The following GRM8 variants were observed in gnomAD, a reference collection of about 807,000 sequenced individuals.
GRM8 encodes glutamate metabotropic receptor 8, also known as metabotropic glutamate receptor 8.
GRM8 carries 47 observed loss-of-function variants against 87.2 expected under a neutral mutation model. The ratio of observed to expected loss-of-function variants is 0.54; its 90% CI spans 0.43 to 0.69. GRM8 has a LOEUF of 0.69. GRM8 is among the 30% of genes least tolerant of loss of function. The probability of loss-of-function intolerance (pLI) is 0.00; values close to 1 mark genes in which losing one functional copy is unlikely to be tolerated. For missense variants in GRM8, 1,019 were observed against 1,139.2 expected, an observed-to-expected ratio of 0.89 and a Z score of 1.52; for synonymous variants, 396 against 404.5, an observed-to-expected ratio of 0.98 and a Z score of 0.25.
intron 7 of GRM8, among the ~76,000 whole-genome samples, chr7:126,742,062 G>C (rs976943928): frequency 6.6e-6 from 1 of 151,942 alleles, no homozygotes; most frequent in Non-Finnish European, 1.5e-5. Flanking sequence ...CACAGGAAAA[G>C]TTGGTCTTCA....
chr7:126,481,250 A>G (rs529187776), intron 9 of GRM8, among the ~76,000 whole-genome samples: 8 of 152,208 alleles, frequency 5.3e-5, no homozygotes, highest in Non-Finnish European at 7.4e-5. Context: ...AGAACATCAC[A>G]GTAATAATTG....
intron 9 of GRM8, among the ~76,000 whole-genome samples, chr7:126,462,810 TTC>T (rs1227603718): frequency 6.6e-6 from 1 of 151,658 alleles, no homozygotes; most frequent in Admixed American, 6.6e-5. Context: ...GTCCTATACT[TTC>T]TTTTTCCTTT....
At chr7:127,245,735 T>C (rs1351059785) in intron 1 of GRM8, among the ~76,000 whole-genome samples, 2 of 152,248 alleles carry the variant, frequency 1.3e-5, no homozygotes, top group Admixed American at 6.5e-5. Context: ...AATGGAAAAC[T>C]AGAGGTTCAG....
intron 2 of GRM8, among the ~76,000 whole-genome samples, chr7:127,224,714 T>C (rs545032109): frequency 6.6e-6 from 1 of 152,350 alleles, no homozygotes; most frequent in Non-Finnish European, 1.5e-5. Flanking sequence ...TCTAATGCAG[T>C]TCTCAAGGTA....
At chr7:126,898,767 AT>A (rs199757102) in intron 6 of GRM8, among the ~76,000 whole-genome samples, 4 of 152,112 alleles carry the variant, frequency 2.6e-5, no homozygotes, top group Non-Finnish European at 5.9e-5. Context: ...AGAAAATATG[AT>A]TTTTTTATTG....
At chr7:126,759,274 A>C (rs1817342171) in intron 7 of GRM8, among the ~76,000 whole-genome samples, 1 of 152,186 alleles carries the variant, frequency 6.6e-6, no homozygotes, top group Non-Finnish European at 1.5e-5. Flanking sequence ...AAAGAGAAAA[A>C]ATAATCAAGT....
At chr7:126,748,087 T>C (rs1041469290) in intron 7 of GRM8, among the ~76,000 whole-genome samples, 1 of 152,014 alleles carries the variant, frequency 6.6e-6, no homozygotes, top group African/African-American at 2.4e-5. Context: ...CTGTCTATGA[T>C]AAGAAAAAAG....
chr7:126,459,742 T>A (rs1391554765), intron 9 of GRM8, among the ~76,000 whole-genome samples: 1 of 151,422 alleles, frequency 6.6e-6, no homozygotes, highest in East Asian at 2.0e-4. Flanking sequence ...GGATATTTGC[T>A]AAGATTGGCC....
chr7:126,828,580 G>A (rs1375436248), intron 6 of GRM8, among the ~76,000 whole-genome samples: 1 of 152,002 alleles, frequency 6.6e-6, no homozygotes, highest in African/African-American at 2.4e-5. Flanking sequence ...ATTTTTTATT[G>A]CATCTATTTG....
chr7:127,201,253 T>G (rs1795573324), intron 2 of GRM8, among the ~76,000 whole-genome samples: 1 of 152,212 alleles, frequency 6.6e-6, no homozygotes, highest in Non-Finnish European at 1.5e-5. Context: ...TTGTCTTATT[T>G]GATCTATATA....
rs545525056 is a variant in GRM8 at position 126,949,096 on chromosome 7, G to T, written c.728-44413C>A. Among the ~76,000 whole-genome samples the T allele has an allele frequency of 1.5e-3, 223 of 152,322 alleles. 1 individual carries two copies. The highest frequency in any genetic ancestry group is 5.1e-3 in the African/African-American group (211 of 41,564). On this transcript the variant is annotated intron_variant, in intron 3 of 10. Transcript: ENST00000339582. ...ACCTTGTATCCTGGATTTATTGAAA[G>T]AAATTATGCAATTAATTATATTTCA...
intron 2 of GRM8, among the ~76,000 whole-genome samples, chr7:127,147,987 C>G (rs1395979300): frequency 6.6e-6 from 1 of 152,038 alleles, no homozygotes. Flanking sequence ...TGCCATTGAA[C>G]CAGCATCATC....
chr7:126,929,758 A>C (rs1408003013), intron 3 of GRM8, among the ~76,000 whole-genome samples: 1 of 55,460 alleles, frequency 1.8e-5, no homozygotes, highest in Non-Finnish European at 3.6e-5. Context: ...AAACAGCCAC[A>C]TGAGGCTAGT....
chr7:127,249,493 G>C (rs1798749160), intron 1 of GRM8, among the ~76,000 whole-genome samples: 1 of 152,180 alleles, frequency 6.6e-6, no homozygotes, highest in Non-Finnish European at 1.5e-5. Flanking sequence ...AGAGCTAGGA[G>C]TCAGGAGCGT....
chr7:127,186,644 T>C (rs1208610113), intron 2 of GRM8, among the ~76,000 whole-genome samples: 1 of 152,184 alleles, frequency 6.6e-6, no homozygotes, highest in South Asian at 2.1e-4. Flanking sequence ...TTATTTCTCT[T>C]CATCTGTTAC....
intron 3 of GRM8, among the ~76,000 whole-genome samples, chr7:127,064,494 T>G (rs1032284323): frequency 3.3e-5 from 5 of 152,212 alleles, no homozygotes; most frequent in Non-Finnish European, 5.9e-5. Flanking sequence ...CATCTCTTTA[T>G]TTTGAGCCTA....
chr7:126,984,118 A>T (rs1212297060), intron 3 of GRM8, among the ~76,000 whole-genome samples: 4 of 152,190 alleles, frequency 2.6e-5, no homozygotes, highest in Non-Finnish European at 5.9e-5. Flanking sequence ...TGTTAACTCT[A>T]TGGAATAGCA....
chr7:126,597,845 C>A (rs1430108130), intron 8 of GRM8, among the ~76,000 whole-genome samples: 2 of 152,092 alleles, frequency 1.3e-5, no homozygotes, highest in African/African-American at 2.4e-5. Context: ...CATTTTGATA[C>A]ATGCACACAA....
At chr7:126,629,980 A>G (rs1181804631) in intron 7 of GRM8, among the ~76,000 whole-genome samples, 1 of 152,192 alleles carries the variant, frequency 6.6e-6, no homozygotes, top group Admixed American at 6.6e-5. Context: ...AAATGTATCT[A>G]AAACATTTAC....
Sources: allele counts gnomAD v4.1 joint callset (sites outside exome capture counted in the v4.1 genomes callset), GRCh38; gene constraint gnomAD v4.1.1; transcripts MANE v1.5; gene names NCBI Gene and HGNC (gene_info 2026-07-23, HGNC 2026-07-21).